The following HDHD2 variants were observed in gnomAD, a reference collection of about 807,000 sequenced individuals.
HDHD2 encodes the protein haloacid dehalogenase-like hydrolase domain-containing protein 2.
HDHD2 carries 26 observed loss-of-function variants against 24.8 expected under a neutral mutation model. The observed-to-expected ratio is 1.05, with a 90% CI of 0.77 to 1.45. The LOEUF (loss-of-function observed/expected upper bound fraction) is 1.45. Ranked by LOEUF, HDHD2 falls within the 40% of genes most tolerant of loss-of-function variation. The pLI, the probability that HDHD2 is intolerant of heterozygous loss-of-function variation, is 0.00. For synonymous variants in HDHD2, 128 were observed against 114.9 expected (o/e 1.11, Z -0.73); for missense variants, 299 against 313.4 (o/e 0.95, Z 0.35).
At chr18:47,120,129 T>C (rs1450913760) in intron 4 of HDHD2, among the ~76,000 whole-genome samples, 3 of 152,236 alleles carry the variant, frequency 2.0e-5, no homozygotes, top group South Asian at 2.1e-4. Context: ...CCTAACAAGA[T>C]AGACTGCCCG....
chr18:47,115,477 A>G (rs1421521357), intron 4 of HDHD2, 129 bp from the exon 5 acceptor site: 1 of 605,600 alleles, frequency 1.7e-6, no homozygotes, highest in Non-Finnish European at 2.9e-6. Context: ...ATTAACTTTT[A>G]ATGACTTGCT....
chr18:47,127,408 A>G (rs752178876), intron 4 of HDHD2, among the ~76,000 whole-genome samples: 3 of 152,202 alleles, frequency 2.0e-5, no homozygotes, highest in Non-Finnish European at 4.4e-5. Flanking sequence ...TAAAATGTTA[A>G]CTGTCGTTCT....
At chr18:47,130,109 T>G (rs1036644182) in intron 4 of HDHD2, 135 bp downstream of exon 4, 7 of 540,020 alleles carry the variant, frequency 1.3e-5, no homozygotes, top group Non-Finnish European at 2.3e-5. Flanking sequence ...TTGATGCTGA[T>G]CTTGAAGATG....
At chr18:47,148,444 G>A (rs958017189) in intron 1 of HDHD2, among the ~76,000 whole-genome samples, 16 of 152,112 alleles carry the variant, frequency 1.1e-4, no homozygotes, top group Non-Finnish European at 1.9e-4. Flanking sequence ...TCCCATAATC[G>A]GAACAAATTA....
chr18:47,145,468 A>G (rs1178311855), intron 1 of HDHD2, among the ~76,000 whole-genome samples: 1 of 152,370 alleles, frequency 6.6e-6, no homozygotes, highest in East Asian at 1.9e-4. Flanking sequence ...AAAAGGTCCC[A>G]ATATGTGTAG....
intron 4 of HDHD2, among the ~76,000 whole-genome samples, chr18:47,128,280 C>A (rs1444268663): frequency 6.6e-6 from 1 of 152,158 alleles, no homozygotes; most frequent in Non-Finnish European, 1.5e-5. Flanking sequence ...AGACAGAGAC[C>A]TCCCAATTTC....
chr18:47,110,843 A>C (rs751522700), intron 6 of HDHD2: 3 of 985,282 alleles, frequency 3.0e-6, no homozygotes, highest in Non-Finnish European at 3.6e-6. Context: ...TGCTAAACAA[A>C]TTCTGGTTAG....
rs541436758 is a variant in HDHD2, at chr18:47,109,144, G to A, written c.677-359C>T. The stretch of plus-strand genomic sequence containing the variant: ...ATTAAATTAATGCTTTAAAATGGAA[G>A]CCCAGACCCCAGAGGGCAGAGGACT... On this transcript the variant is annotated intron_variant, in intron 6 of 6. Transcript: ENST00000300605. The A allele has an allele frequency of 4.7e-5, 9 of 192,472 alleles. No homozygotes were observed. In the East Asian group the frequency reaches 1.3e-3, roughly 28 times the overall value. The allele number at this position is 192,472 out of a possible 1,614,324, so 11.9% of individuals were successfully genotyped here. A position where few individuals can be genotyped will look rare whatever the true frequency, so the allele number is the denominator to read the frequency against.
At chr18:47,144,809 AAAAAAG>A in intron 1 of HDHD2, among the ~76,000 whole-genome samples, 1 of 151,386 alleles carries the variant, frequency 6.6e-6, no homozygotes, top group African/African-American at 2.4e-5. Flanking sequence ...CAAAAAAAAA[AAAAAAG>A]AAAAGAAAAG....
At chr18:47,112,414 C>T (rs1489184859) in intron 6 of HDHD2, among the ~76,000 whole-genome samples, 1 of 152,162 alleles carries the variant, frequency 6.6e-6, no homozygotes, top group Admixed American at 6.5e-5. Context: ...ATCCTCCCCA[C>T]TAAAGTCTTT....
At chr18:47,148,246 C>G (rs1363111481) in intron 1 of HDHD2, among the ~76,000 whole-genome samples, 2 of 152,182 alleles carry the variant, frequency 1.3e-5, no homozygotes, top group Non-Finnish European at 2.9e-5. Context: ...CCGCCTTGGG[C>G]TCCCAAAGTG....
chr18:47,139,153 T>C (rs1435729674), intron 1 of HDHD2, among the ~76,000 whole-genome samples: 2 of 152,020 alleles, frequency 1.3e-5, no homozygotes, highest in African/African-American at 2.4e-5. Context: ...TGTTAATTTG[T>C]ATCCTTCAAA....
At chr18:47,135,783 TAG>T (rs1442115148) in intron 2 of HDHD2, among the ~76,000 whole-genome samples, 1 of 152,222 alleles carries the variant, frequency 6.6e-6, no homozygotes, top group East Asian at 1.9e-4. Flanking sequence ...ATACTTTTAC[TAG>T]GTGTCTCATT....
chr18:47,147,703 A>C (rs146051004), intron 1 of HDHD2, among the ~76,000 whole-genome samples: 1 of 152,308 alleles, frequency 6.6e-6, no homozygotes, highest in Non-Finnish European at 1.5e-5. Context: ...CATAATACAT[A>C]TTTATCATTT....
intron 4 of HDHD2, among the ~76,000 whole-genome samples, chr18:47,125,321 A>G (rs1246982733): frequency 6.6e-6 from 1 of 152,186 alleles, no homozygotes; most frequent in Non-Finnish European, 1.5e-5. Flanking sequence ...ACTTTGGAAA[A>G]CTGTTTGGCG....
At chr18:47,117,057 C>T (rs2063563341) in intron 4 of HDHD2, among the ~76,000 whole-genome samples, 2 of 152,198 alleles carry the variant, frequency 1.3e-5, no homozygotes, top group African/African-American at 4.8e-5. Context: ...GTTCTTCCTT[C>T]TACTGTTCTT....
intron 1 of HDHD2, among the ~76,000 whole-genome samples, chr18:47,149,742 G>C (rs2144408102): frequency 1.3e-5 from 2 of 152,130 alleles, no homozygotes; most frequent in East Asian, 3.8e-4. Flanking sequence ...TTTTCTCCCA[G>C]AGTTAGGCTA....
At chr18:47,116,861 A>C (rs904590115) in intron 4 of HDHD2, among the ~76,000 whole-genome samples, 4 of 152,214 alleles carry the variant, frequency 2.6e-5, no homozygotes, top group African/African-American at 9.7e-5. Flanking sequence ...TAGCTTTGTT[A>C]ATATTTTATC....
At chr18:47,147,060 A>C (rs1330030165) in intron 1 of HDHD2, among the ~76,000 whole-genome samples, 2 of 152,204 alleles carry the variant, frequency 1.3e-5, no homozygotes, top group African/African-American at 2.4e-5. Context: ...TATTTTAGTC[A>C]GTTTTTTCTC....
Sources: allele counts gnomAD v4.1 joint callset (sites outside exome capture counted in the v4.1 genomes callset), GRCh38; gene constraint gnomAD v4.1.1; transcripts MANE v1.5; gene names NCBI Gene and HGNC (gene_info 2026-07-23, HGNC 2026-07-21).